Variants in PIK3C3 observed in about 807,000 individuals in gnomAD.
PIK3C3 encodes PI3-kinase type 3.
A neutral mutation model predicts 126.1 loss-of-function variants in PIK3C3; 95 were observed. The ratio of observed to expected loss-of-function variants is 0.75; its 90% confidence interval spans 0.64 to 0.89. The LOEUF is 0.89. Ranked by LOEUF, PIK3C3 falls within the 40% of genes least tolerant of loss-of-function variation. The pLI is 0.00. For missense variants in PIK3C3, 829 were observed against 1,063.2 expected, an observed-to-expected ratio of 0.78 and a Z score of 3.06; for synonymous variants, 374 against 360.0, an observed-to-expected ratio of 1.04 and a Z score of -0.44.
rs1205656853 is a variant in PIK3C3 at position 42,076,101 on chromosome 18, T to TGCAC, written c.2650-5022_2650-5021insGCAC. On this transcript the variant is annotated intron_variant, in intron 24 of 24. Transcript: ENST00000262039. ...CTGCTTTACCTTGCATATATATATA[T>TGCAC]ATATATATATATATATATATGCGCA... is the stretch of plus-strand genomic sequence containing the variant. Among the ~76,000 whole-genome samples the TGCAC allele has an allele frequency of 1.1e-3, 83 of 72,844 alleles. 4 individuals are homozygous for TGCAC. Among genetic ancestry groups the TGCAC allele is most frequent in the African/African-American group, 5.9e-3 (80 of 13,552 alleles). The allele number at this position is 72,844 out of a possible 152,430, so 47.8% of individuals were successfully genotyped here. A position where few individuals can be genotyped will look rare whatever the true frequency, so the allele number is the denominator to read the frequency against.
chr18:42,076,149 T>TGC (rs1986003890), intron 24 of PIK3C3, among the ~76,000 whole-genome samples: 2 of 88,626 alleles, frequency 2.3e-5, no homozygotes, highest in African/African-American at 1.3e-4. Flanking sequence ...TATATGCGCA[T>TGC]ATATATATAT....
At chr18:42,028,732 A>T (rs1448814436) in intron 14 of PIK3C3, among the ~76,000 whole-genome samples, 1 of 152,206 alleles carries the variant, frequency 6.6e-6, no homozygotes, top group Admixed American at 6.5e-5. Flanking sequence ...AATGAGGTTG[A>T]TAACATTTAC....
chr18:42,023,484 A>C (rs950322157), intron 13 of PIK3C3, among the ~76,000 whole-genome samples: 1 of 152,194 alleles, frequency 6.6e-6, no homozygotes, highest in Admixed American at 6.5e-5. Flanking sequence ...CTTAGATTTG[A>C]TTTGTGTTTT....
chr18:42,042,008 A>G (rs1162634228), intron 19 of PIK3C3, among the ~76,000 whole-genome samples: 1 of 152,182 alleles, frequency 6.6e-6, no homozygotes. Context: ...GGCTTTCAGC[A>G]TGTTCCCTTT....
intron 21 of PIK3C3, among the ~76,000 whole-genome samples, chr18:42,057,427 A>T (rs1033215860): frequency 6.6e-6 from 1 of 152,096 alleles, no homozygotes; most frequent in Non-Finnish European, 1.5e-5. Flanking sequence ...TTCCTTTCTA[A>T]AATTTTTTTT....
intron 13 of PIK3C3, chr18:42,026,389 G>A (rs1184448140): frequency 1.3e-5 from 2 of 152,114 alleles, no homozygotes; most frequent in African/African-American, 2.4e-5. Context: ...CTCACAGGAT[G>A]TTGCTTTGTG....
chr18:41,955,471 T>C (rs768212724), intron 1 of PIK3C3, 112 bp downstream of exon 1: 10 of 909,066 alleles, frequency 1.1e-5, no homozygotes, highest in African/African-American at 6.7e-5. Flanking sequence ...AAGGCCCAGA[T>C]TGGGGGCGGC....
chr18:42,076,197 C>CATAT (rs71174078), intron 24 of PIK3C3, among the ~76,000 whole-genome samples: 2 of 119,324 alleles, frequency 1.7e-5, no homozygotes, highest in African/African-American at 3.7e-5. Flanking sequence ...TATATGCACA[C>CATAT]ATATATATAT....
Position 42,005,928 on chromosome 18 carries a change from T to C in PIK3C3, c.1170+1387T>C, listed in dbSNP as rs1982522532. On this transcript the variant is annotated intron_variant, in intron 10 of 24. Transcript: ENST00000262039. ...GCTCAGTCTCTCCACCCCAACCCCC[T>C]AACCTCTACTAGATTACATCCTTCT... is the stretch of plus-strand genomic sequence containing the variant. 1.3e-5 allele frequency among the ~76,000 whole-genome samples: 2 copies of C among 150,996 alleles called. 1 individual carries two copies. Among genetic ancestry groups the C allele is most frequent in the South Asian group, 4.3e-4 (2 of 4,688 alleles).
chr18:42,009,780 CATT>C (rs1982733271), intron 10 of PIK3C3, among the ~76,000 whole-genome samples: 1 of 150,934 alleles, frequency 6.6e-6, no homozygotes, highest in Non-Finnish European at 1.5e-5. Flanking sequence ...ATAATGTAAG[CATT>C]ATGTCTAGAA....
chr18:41,984,459 A>T (rs896936785), intron 4 of PIK3C3, among the ~76,000 whole-genome samples: 6 of 152,036 alleles, frequency 3.9e-5, no homozygotes, highest in Non-Finnish European at 5.9e-5. Context: ...TTAATAAAAA[A>T]ATTTAATATA....
At chr18:42,011,370 C>T (rs1982818597) in intron 10 of PIK3C3, among the ~76,000 whole-genome samples, 1 of 152,200 alleles carries the variant, frequency 6.6e-6, no homozygotes, top group Admixed American at 6.5e-5. Context: ...TACATCAGTA[C>T]TTGTTGCTTT....
At chr18:42,079,588 A>C (rs1002438514) in intron 24 of PIK3C3, among the ~76,000 whole-genome samples, 2 of 151,732 alleles carry the variant, frequency 1.3e-5, no homozygotes, top group Non-Finnish European at 2.9e-5. Flanking sequence ...TTAAAAAAAA[A>C]CAAAACAAAA....
At chr18:42,031,620 C>G (rs1013811793) in intron 15 of PIK3C3, among the ~76,000 whole-genome samples, 1 of 152,058 alleles carries the variant, frequency 6.6e-6, no homozygotes, top group Non-Finnish European at 1.5e-5. Context: ...GGGTTTCACT[C>G]TGTTGGCCAG....
intron 20 of PIK3C3, 33 bp from the exon 21 acceptor site, chr18:42,049,498 G>A (rs1488022049): frequency 6.4e-7 from 1 of 1,553,896 alleles, no homozygotes; most frequent in Non-Finnish European, 8.9e-7. Context: ...GTTTGCATTT[G>A]TTTTCACATA....
At chr18:42,066,094 C>T (rs1483805578) in intron 23 of PIK3C3, among the ~76,000 whole-genome samples, 7 of 152,088 alleles carry the variant, frequency 4.6e-5, no homozygotes, top group Non-Finnish European at 1.0e-4. Context: ...ATCAAAAGAT[C>T]GAACTTAAGG....
At chr18:42,079,700 GCATACACGTGTA>G (rs532732303) in intron 24 of PIK3C3, among the ~76,000 whole-genome samples, 127 of 152,252 alleles carry the variant, frequency 8.3e-4, no homozygotes, top group Middle Eastern at 3.4e-3. Flanking sequence ...ATACATAGAC[GCATACACGTGTA>G]CATATGCAGT....
chr18:41,996,521 C>G (rs1982032302), intron 8 of PIK3C3, 117 bp from the exon 9 acceptor site: 1 of 469,714 alleles, frequency 2.1e-6, no homozygotes. Context: ...ATTTTCCTTG[C>G]TTGTGTAATA....
chr18:42,006,771 G>A (rs931359342), intron 10 of PIK3C3, among the ~76,000 whole-genome samples: 1 of 151,850 alleles, frequency 6.6e-6, no homozygotes, highest in South Asian at 2.1e-4. Context: ...CTCTTTTATA[G>A]GCTGTTGTTC....
Sources: allele counts gnomAD v4.1 joint callset (sites outside exome capture counted in the v4.1 genomes callset), GRCh38; gene constraint gnomAD v4.1.1; transcripts MANE v1.5; gene names NCBI Gene and HGNC (gene_info 2026-07-23, HGNC 2026-07-21).